PLXDC2: variants seen among roughly 807,000 people sequenced by gnomAD.
PLXDC2 encodes the protein plexin domain-containing protein 2.
In PLXDC2, 40 loss-of-function variants were observed where a neutral mutation model predicts 68.9. That is an observed-to-expected ratio of 0.58 (90% confidence interval 0.45 to 0.76). The LOEUF (loss-of-function observed/expected upper bound fraction) is 0.76. Ranked by LOEUF, PLXDC2 falls within the 30% of genes least tolerant of loss-of-function variation. The pLI is 0.00. For synonymous variants in PLXDC2, 243 were observed against 234.2 expected (o/e 1.04, Z -0.34); for missense variants, 644 against 661.9 (o/e 0.97, Z 0.30).
chr10:19,927,024 G>C (rs761287985), intron 1 of PLXDC2, among the ~76,000 whole-genome samples: 1 of 152,156 alleles, frequency 6.6e-6, no homozygotes, highest in Non-Finnish European at 1.5e-5. Flanking sequence ...CCTTCTTGCT[G>C]ACCTTATCCA....
At chr10:20,144,360 T>G (rs535730766) in intron 5 of PLXDC2, among the ~76,000 whole-genome samples, 1 of 152,146 alleles carries the variant, frequency 6.6e-6, no homozygotes, top group Non-Finnish European at 1.5e-5. Context: ...TGGAGAAATA[T>G]GATCACTTTG....
At chr10:20,102,831 T>A (rs1833440529) in intron 4 of PLXDC2, among the ~76,000 whole-genome samples, 1 of 152,136 alleles carries the variant, frequency 6.6e-6, no homozygotes, top group East Asian at 1.9e-4. Context: ...TTTAGGAGTT[T>A]ATCAGTTTTT....
chr10:19,924,422 T>G (rs529707857), intron 1 of PLXDC2, among the ~76,000 whole-genome samples: 93 of 152,326 alleles, frequency 6.1e-4, no homozygotes, highest in African/African-American at 2.1e-3. Context: ...GTATATAATT[T>G]ACCGATTTCC....
chr10:20,050,649 A>G (rs915206248), intron 3 of PLXDC2, among the ~76,000 whole-genome samples: 4 of 152,238 alleles, frequency 2.6e-5, no homozygotes, highest in East Asian at 1.9e-4. Flanking sequence ...CAAAACCCCA[A>G]TGAGATATCA....
chr10:19,993,415 T>C (rs938970653), intron 1 of PLXDC2, among the ~76,000 whole-genome samples: 5 of 152,184 alleles, frequency 3.3e-5, no homozygotes, highest in African/African-American at 1.2e-4. Context: ...TGTGTATTTT[T>C]ATTTATTTAT....
intron 3 of PLXDC2, among the ~76,000 whole-genome samples, chr10:20,058,606 A>T (rs950970031): frequency 6.6e-6 from 1 of 152,188 alleles, no homozygotes; most frequent in Non-Finnish European, 1.5e-5. Context: ...GTCATTTTCC[A>T]CTGAATGGAA....
chr10:19,842,566 T>C (rs2131319004), intron 1 of PLXDC2, among the ~76,000 whole-genome samples: 1 of 152,338 alleles, frequency 6.6e-6, no homozygotes, highest in East Asian at 1.9e-4. Flanking sequence ...ATTTTCCCAC[T>C]GGTTTGAGTC....
chr10:20,029,787 G>C (rs577016689), intron 2 of PLXDC2, among the ~76,000 whole-genome samples: 1 of 152,198 alleles, frequency 6.6e-6, no homozygotes, highest in South Asian at 2.1e-4. Context: ...AAACAAAACT[G>C]CTCAACAGAT....
intron 4 of PLXDC2, among the ~76,000 whole-genome samples, chr10:20,111,163 T>G (rs1030162484): frequency 1.3e-5 from 2 of 152,192 alleles, no homozygotes; most frequent in African/African-American, 4.8e-5. Flanking sequence ...AGAGGAATGT[T>G]CAGTTTTGTG....
At chr10:20,006,225 C>T (rs1315570171) in intron 2 of PLXDC2, among the ~76,000 whole-genome samples, 2 of 152,086 alleles carry the variant, frequency 1.3e-5, no homozygotes, top group Admixed American at 1.3e-4. Flanking sequence ...GGTTGCATCT[C>T]TTTTGGGGAA....
chr10:20,263,772 C>T (rs777306638), intron 13 of PLXDC2, among the ~76,000 whole-genome samples: 25 of 152,218 alleles, frequency 1.6e-4, no homozygotes, highest in Non-Finnish European at 3.4e-4. Context: ...CAATGAGATA[C>T]CATCTTACAC....
intron 10 of PLXDC2, among the ~76,000 whole-genome samples, chr10:20,212,749 G>A (rs867249342): frequency 6.6e-6 from 1 of 152,158 alleles, no homozygotes; most frequent in Non-Finnish European, 1.5e-5. Flanking sequence ...TATTGCCAGT[G>A]TAGCTATAAC....
intron 1 of PLXDC2, among the ~76,000 whole-genome samples, chr10:19,842,882 T>C (rs1836935363): frequency 6.6e-6 from 1 of 152,196 alleles, no homozygotes; most frequent in Admixed American, 6.5e-5. Context: ...GTCATGTTTA[T>C]ATTATCTGAT....
chr10:20,048,517 T>C (rs1315585598), intron 3 of PLXDC2, among the ~76,000 whole-genome samples: 2 of 152,130 alleles, frequency 1.3e-5, no homozygotes, highest in Non-Finnish European at 2.9e-5. Flanking sequence ...CTTTCTGGGA[T>C]CTATTGCATT....
intron 1 of PLXDC2, among the ~76,000 whole-genome samples, chr10:19,945,764 C>T (rs1239416711): frequency 6.6e-6 from 1 of 152,118 alleles, no homozygotes. Flanking sequence ...TTAACTGAGT[C>T]TTGTGGAGTG....
intron 3 of PLXDC2, among the ~76,000 whole-genome samples, chr10:20,047,555 T>G (rs1366574311): frequency 1.3e-5 from 2 of 152,130 alleles, no homozygotes; most frequent in Non-Finnish European, 2.9e-5. Flanking sequence ...AAACCTGGAC[T>G]CATTATTTCC....
intron 1 of PLXDC2, among the ~76,000 whole-genome samples, chr10:19,842,225 G>T (rs1836923107): frequency 6.6e-6 from 1 of 152,140 alleles, no homozygotes; most frequent in South Asian, 2.1e-4. Flanking sequence ...GGTAGCTTCA[G>T]ATCCCTGTAT....
At position 20,206,140 on chromosome 10, in the gene PLXDC2, T is replaced by C. The variant is rs187271054; in HGVS notation, c.1062-5529T>C. The stretch of plus-strand genomic sequence containing the variant: ...ATAATATCACACTGTACCTCATAAA[T>C]GTATACAATTATAATATGTCAACAT... On this transcript the variant is annotated intron_variant, in intron 9 of 13. Coordinates refer to ENST00000377252, the MANE Select transcript of PLXDC2 (RefSeq NM_032812.9). Among the ~76,000 whole-genome samples, 259 of 152,116 alleles carry C rather than the reference T, an allele frequency of 1.7e-3. 3 individuals carry two copies. The highest frequency in any genetic ancestry group is 0.016 in the East Asian group (83 of 5,162).
chr10:20,146,892 T>G (rs1454814508), intron 5 of PLXDC2, among the ~76,000 whole-genome samples: 1 of 152,170 alleles, frequency 6.6e-6, no homozygotes, highest in Non-Finnish European at 1.5e-5. Flanking sequence ...AGATTTGCTC[T>G]TTTAGTTCTA....
Sources: allele counts gnomAD v4.1 joint callset (sites outside exome capture counted in the v4.1 genomes callset), GRCh38; gene constraint gnomAD v4.1.1; transcripts MANE v1.5; gene names NCBI Gene and HGNC (gene_info 2026-07-23, HGNC 2026-07-21).